STPG2: variants seen among roughly 807,000 people sequenced by gnomAD.
STPG2 encodes the protein sperm tail PG-rich repeat containing 2.
In STPG2, 56 loss-of-function variants were observed where a neutral mutation model predicts 54.2. The observed-to-expected ratio is 1.03, with a 90% CI of 0.83 to 1.29. STPG2 has a LOEUF of 1.29. Ranked by LOEUF, STPG2 falls within the 50% of genes most tolerant of loss-of-function variation. The pLI, the probability that STPG2 is intolerant of heterozygous loss-of-function variation, is 0.00. For missense variants in STPG2, 596 were observed against 544.9 expected (o/e 1.09, Z -0.93); for synonymous variants, 200 against 181.8 (o/e 1.10, Z -0.81).
intron 10 of STPG2, among the ~76,000 whole-genome samples, chr4:97,636,774 C>A (rs1180206370): frequency 6.6e-6 from 1 of 152,188 alleles, no homozygotes; most frequent in Admixed American, 6.5e-5. Context: ...TACATACACT[C>A]TCCCAAGACT....
chr4:97,972,048 T>G (rs1478905859), intron 7 of STPG2, among the ~76,000 whole-genome samples: 1 of 152,190 alleles, frequency 6.6e-6, no homozygotes, highest in Non-Finnish European at 1.5e-5. Flanking sequence ...CAGAGCATAT[T>G]TTTTCAAACG....
At chr4:97,539,719 G>T (rs1731643286) in intron 4 of STPG2, among the ~76,000 whole-genome samples, 2 of 152,222 alleles carry the variant, frequency 1.3e-5, no homozygotes, top group Middle Eastern at 3.4e-3. Context: ...GACATCTACA[G>T]AACTCTCCAC....
intron 10 of STPG2, among the ~76,000 whole-genome samples, chr4:97,640,362 A>T (rs1721724851): frequency 6.6e-6 from 1 of 152,060 alleles, no homozygotes; most frequent in Non-Finnish European, 1.5e-5. Context: ...ATATTTTTTT[A>T]AGTTTGAAAA....
chr4:97,884,972 A>G (rs889657453), intron 8 of STPG2, among the ~76,000 whole-genome samples: 6 of 152,176 alleles, frequency 3.9e-5, no homozygotes, highest in Non-Finnish European at 8.8e-5. Flanking sequence ...CAAGATGCAG[A>G]AAAGCATCCC....
chr4:97,932,707 T>C (rs1732596767), intron 8 of STPG2, among the ~76,000 whole-genome samples: 2 of 152,236 alleles, frequency 1.3e-5, no homozygotes, highest in African/African-American at 4.8e-5. Flanking sequence ...CATTCCTTTT[T>C]ATGACTGCAT....
intron 5 of STPG2, among the ~76,000 whole-genome samples, chr4:98,053,487 A>C (rs1294139251): frequency 6.6e-6 from 1 of 152,064 alleles, no homozygotes; most frequent in Non-Finnish European, 1.5e-5. Flanking sequence ...AACTATAGCT[A>C]TATAAAACCT....
chr4:97,819,022 A>ATTTGTTG (rs949089957), intron 9 of STPG2, among the ~76,000 whole-genome samples: 2 of 149,316 alleles, frequency 1.3e-5, no homozygotes, highest in African/African-American at 4.9e-5. Context: ...AACAAAAATA[A>ATTTGTTG]TTTGAGGTTG....
intron 8 of STPG2, among the ~76,000 whole-genome samples, chr4:97,929,195 C>T (rs1019089996): frequency 6.6e-6 from 1 of 152,188 alleles, no homozygotes; most frequent in African/African-American, 2.4e-5. Flanking sequence ...CATGTTCCCA[C>T]AAAGGCAGGA....
At chr4:97,995,707 T>A (rs1295796806) in intron 5 of STPG2, among the ~76,000 whole-genome samples, 1 of 151,802 alleles carries the variant, frequency 6.6e-6, no homozygotes, top group Non-Finnish European at 1.5e-5. Context: ...CTGCATGGGG[T>A]TACCACACAC....
intron 4 of STPG2, among the ~76,000 whole-genome samples, chr4:97,506,152 C>T (rs1730839954): frequency 6.6e-6 from 1 of 151,272 alleles, no homozygotes; most frequent in South Asian, 2.1e-4. Context: ...AGCTTAGACA[C>T]TGACTGGATT....
At chr4:98,018,188 C>A (rs1303584136) in intron 5 of STPG2, among the ~76,000 whole-genome samples, 1 of 151,512 alleles carries the variant, frequency 6.6e-6, no homozygotes, top group Non-Finnish European at 1.5e-5. Flanking sequence ...CCACAACAGT[C>A]CCCAGAGTGT....
chr4:97,871,493 T>G (rs1455350845), intron 8 of STPG2, among the ~76,000 whole-genome samples: 1 of 150,752 alleles, frequency 6.6e-6, no homozygotes, highest in Admixed American at 6.6e-5. Flanking sequence ...TCAGAAGAAA[T>G]GAAAAAAGTC....
intron 9 of STPG2, among the ~76,000 whole-genome samples, chr4:97,805,083 T>C (rs1320145314): frequency 6.6e-6 from 1 of 152,184 alleles, no homozygotes; most frequent in East Asian, 1.9e-4. Flanking sequence ...CCTGAAAATC[T>C]CTGTATTTTA....
In STPG2 at chr4:97,707,784, A is replaced by G. The variant is rs1001570635; in HGVS notation, c.1320+4915T>C. The stretch of plus-strand genomic sequence containing the variant: ...AACCTAATACCAAAGTAAAAATATA[A>G]GGTAGCATAGAATCGAAGACAAAAA... On this transcript the variant is annotated intron_variant, in intron 10 of 10. Transcript: ENST00000295268. Among the ~76,000 whole-genome samples the G allele has an allele frequency of 2.0e-5, 3 of 152,320 alleles. No individual in the cohort carries two copies. The East Asian group carries it at 5.8e-4, about 29-fold the overall frequency.
intron 8 of STPG2, among the ~76,000 whole-genome samples, chr4:97,926,798 T>C (rs1017061262): frequency 6.6e-6 from 1 of 152,116 alleles, no homozygotes; most frequent in African/African-American, 2.4e-5. Context: ...ATTAATATTA[T>C]ATTAATAGAA....
intron 10 of STPG2, among the ~76,000 whole-genome samples, chr4:97,707,592 A>G (rs1723989058): frequency 6.6e-6 from 1 of 152,122 alleles, no homozygotes; most frequent in South Asian, 2.1e-4. Flanking sequence ...ATTTTAGAAC[A>G]GAGAAGGTAT....
intron 4 of STPG2, among the ~76,000 whole-genome samples, chr4:97,501,547 T>C (rs1160972617): frequency 1.3e-5 from 2 of 151,536 alleles, no homozygotes; most frequent in Admixed American, 1.3e-4. Context: ...ACAAAAGAAA[T>C]TAGCTGGGCA....
chr4:97,968,854 G>A (rs545902710), intron 7 of STPG2, among the ~76,000 whole-genome samples: 62 of 152,286 alleles, frequency 4.1e-4, no homozygotes, highest in Non-Finnish European at 7.4e-5. Context: ...GCCAGGCTGG[G>A]CTGCCAGAAT....
At chr4:97,539,290 G>C (rs1731628404) in intron 4 of STPG2, among the ~76,000 whole-genome samples, 1 of 152,118 alleles carries the variant, frequency 6.6e-6, no homozygotes, top group African/African-American at 2.4e-5. Context: ...GCTGTATTCA[G>C]GAAACCCATC....
Sources: allele counts gnomAD v4.1 joint callset (sites outside exome capture counted in the v4.1 genomes callset), GRCh38; gene constraint gnomAD v4.1.1; transcripts MANE v1.5; gene names NCBI Gene and HGNC (gene_info 2026-07-23, HGNC 2026-07-21).